MIA3: variants seen among roughly 807,000 people sequenced by gnomAD.
The protein encoded by MIA3 is transport and Golgi organization protein 1 homolog.
MIA3 carries 90 observed loss-of-function variants against 192.4 expected under a neutral mutation model. The ratio of observed to expected loss-of-function variants is 0.47; its 90% CI spans 0.39 to 0.56. The LOEUF (loss-of-function observed/expected upper bound fraction) is 0.56. Among genes scored for constraint, MIA3 ranks in the 20% least tolerant of loss-of-function variants. MIA3 has a pLI of 0.00. For missense variants in MIA3, 2,123 were observed against 2,269.4 expected (o/e 0.94, Z 1.31); for synonymous variants, 740 against 792.8 (o/e 0.93, Z 1.12).
Position 222,629,872 on chromosome 1 carries a change from G to T in MIA3, c.2652G>T (p.Glu884Asp), listed in dbSNP as rs1662312851. Residue 884 changes from glutamate to aspartate, a missense_variant, in exon 4 of 28, where the codon GAG becomes GAT. Glu to Asp is a conservative substitution (Grantham distance 45, BLOSUM62 2). Coordinates refer to ENST00000344922, the MANE Select transcript of MIA3 (RefSeq NM_198551.4). ...CAAAAGAGGACCATGAGAACACAGA[G>T]AAGTACATGGGCACAGAAAGCCAGG... ...ELSKEDHENT[E>D]KYMGTESQGS... 1.9e-6 allele frequency: 3 copies of T among 1,613,900 alleles called. No individual in the cohort carries two copies. Among genetic ancestry groups the T allele is most frequent in the East Asian group, 4.5e-5 (2 of 44,878 alleles).
At chr1:222,632,806 T>G (rs988212437) in intron 5 of MIA3, among the ~76,000 whole-genome samples, 1 of 152,224 alleles carries the variant, frequency 6.6e-6, no homozygotes, top group Admixed American at 6.5e-5. Context: ...GCAGTTCTTT[T>G]TTTTGATTTG....
intron 11 of MIA3, among the ~76,000 whole-genome samples, chr1:222,651,210 AG>A (rs921602293): frequency 1.4e-5 from 2 of 145,900 alleles, no homozygotes; most frequent in Non-Finnish European, 3.1e-5. Flanking sequence ...TGTTTTGCAA[AG>A]TTTTTTTTTT....
intron 15 of MIA3, among the ~76,000 whole-genome samples, chr1:222,653,640 A>G (rs761781709): frequency 4.6e-4 from 70 of 152,214 alleles, no homozygotes; most frequent in Non-Finnish European, 7.1e-4. Context: ...TTGTTTTTCA[A>G]TTTCATGGAG....
At position 222,628,098 on chromosome 1, in the gene MIA3, C is replaced by T. The variant is rs780710327; in HGVS notation, c.878C>T (p.Thr293Ile). Residue 293 changes from threonine (T) to isoleucine (I), a missense_variant, in exon 4 of 28, where the codon ACC becomes ATC. Physicochemically the swap from Thr to Ile is moderately conservative, Grantham distance 89 (BLOSUM62 -1). Transcript: ENST00000344922. ...ADALVSDDET[T>I]RLVTSLEDDF... ...GCACTTGTATCTGATGATGAGACAA[C>T]CAGACTCGTTACTTCATTAGAAGAT... The T allele has an allele frequency of 1.2e-6, 2 of 1,613,978 alleles. No individual in the cohort carries two copies. Among genetic ancestry groups the T allele is most frequent in the South Asian group, 2.2e-5 (2 of 91,080 alleles).
At position 222,644,547 on chromosome 1, in the gene MIA3, G is replaced by A. The variant is rs552748893; in HGVS notation, c.3478-1007G>A. ...GGGACCCGGAACTTGTGGGACCCTT[G>A]TCTGTGCTCTACGCAGCCTTCATAG... On this transcript the variant is annotated intron_variant, in intron 6 of 27. Coordinates refer to ENST00000344922, the MANE Select transcript of MIA3 (RefSeq NM_198551.4). The A allele has an allele frequency of 1.1e-3, 1,695 of 1,550,622 alleles. 2 individuals are homozygous for A. The highest frequency in any genetic ancestry group is 1.3e-3 in the Non-Finnish European group (1,478 of 1,147,004).
intron 6 of MIA3, among the ~76,000 whole-genome samples, chr1:222,643,033 CAA>C (rs1441560048): frequency 3.9e-5 from 6 of 152,220 alleles, no homozygotes; most frequent in East Asian, 3.9e-4. Flanking sequence ...TGGGGTTGGG[CAA>C]GTTTTTTTGG....
At chr1:222,642,558 C>G (rs1215250887) in intron 6 of MIA3, among the ~76,000 whole-genome samples, 1 of 152,038 alleles carries the variant, frequency 6.6e-6, no homozygotes, top group Non-Finnish European at 1.5e-5. Context: ...TCCCCAGTAT[C>G]TTTGAGATAG....
Position 222,654,758 on chromosome 1 carries a change from T to C in MIA3, c.4572T>C (p.Asn1524=), listed in dbSNP as rs747496180. The C allele has an allele frequency of 6.2e-7, 1 of 1,614,160 alleles. No homozygotes were observed. Among genetic ancestry groups the C allele is most frequent in the South Asian group, 1.1e-5 (1 of 91,078 alleles). ...TGAGGCAGAAAGTGGAGATTCTGAA[T>C]GAGCTCTATCAGCAGAAGGAGATGG... is the stretch of plus-strand genomic sequence containing the variant. ...KTLRQKVEIL[N]ELYQQKEMAL... is the part of the protein sequence containing the mutation. Residue 1524 remains asparagine (N), a synonymous_variant, in exon 18 of 28, where the codon AAT becomes AAC. Transcript: ENST00000344922.
intron 27 of MIA3, 80 bp from the exon 28 acceptor site, chr1:222,665,229 A>C: frequency 3.3e-5 from 25 of 766,198 alleles, no homozygotes; most frequent in Non-Finnish European, 4.9e-5. Flanking sequence ...AAAGGATGAC[A>C]GACTATATTA....
chr1:222,630,442 C>A lies in MIA3; in HGVS notation c.3169+53C>A. On this transcript the variant is annotated intron_variant, in intron 4 of 27. Coordinates refer to ENST00000344922, the MANE Select transcript of MIA3 (RefSeq NM_198551.4). ...GGGCTGGAGAAGCAGGTGGGTGGGT[C>A]GCTGAGGTGCCTCCTATCTTGTGAA... 2.0e-6 allele frequency: 3 copies of A among 1,514,178 alleles called. No individual in the cohort carries two copies. In the South Asian group the frequency reaches 4.0e-5, roughly 20 times the overall value. 93.8% of individuals were successfully genotyped at this position (1,514,178 alleles called of 1,614,324 possible). A position where few individuals can be genotyped will look rare whatever the true frequency, so the allele number is the denominator to read the frequency against.
At position 222,645,800 on chromosome 1, in the gene MIA3, A is replaced by G. The variant is rs906381101; in HGVS notation, c.3609+115A>G. The G allele has an allele frequency of 3.4e-6, 3 of 889,028 alleles. No individual in the cohort carries two copies. In the African/African-American group the frequency reaches 5.2e-5, roughly 15 times the overall value. The allele number at this position is 889,028 out of a possible 1,614,324, so 55.1% of individuals were successfully genotyped here. A position where few individuals can be genotyped will look rare whatever the true frequency, so the allele number is the denominator to read the frequency against. On this transcript the variant is annotated intron_variant, in intron 7 of 27. Transcript: ENST00000344922. ...AACAGAAATTAATGCTTTTAATTCA[A>G]GCTAACCTTGTAAAATAATTTAGTA...
At chr1:222,623,010 G>C (rs1661944443) in intron 2 of MIA3, among the ~76,000 whole-genome samples, 1 of 152,200 alleles carries the variant, frequency 6.6e-6, no homozygotes, top group African/African-American at 2.4e-5. Flanking sequence ...TTTGTGTACT[G>C]TCTTAGCTCA....
chr1:222,662,390 A>C, intron 26 of MIA3, 58 bp downstream of exon 26: 2 of 1,587,610 alleles, frequency 1.3e-6, no homozygotes, highest in Middle Eastern at 3.3e-4. Flanking sequence ...TCTTCCTACA[A>C]CTCTCTCTTT....
intron 26 of MIA3, 178 bp downstream of exon 26, chr1:222,662,510 T>C (rs1664069757): frequency 1.4e-6 from 2 of 1,412,946 alleles, no homozygotes; most frequent in South Asian, 2.9e-5. Context: ...ATTACATCTT[T>C]GGCTGAGCGT....
chr1:222,651,947 T>G (rs528454807), intron 11 of MIA3, 30 bp from the exon 12 acceptor site: 4 of 1,217,374 alleles, frequency 3.3e-6, no homozygotes, highest in African/African-American at 1.5e-5. Flanking sequence ...AATCCTAATA[T>G]GCATTTTGTG....
chr1:222,660,361 TC>T, intron 24 of MIA3, 47 bp downstream of exon 24: 1 of 1,564,098 alleles, frequency 6.4e-7, no homozygotes, highest in African/African-American at 1.4e-5. Flanking sequence ...GGTGGCTTTT[TC>T]CCTTTTATTT....
chr1:222,633,016 C>T (rs971147021), intron 5 of MIA3, 88 bp from the exon 6 acceptor site: 3 of 1,324,964 alleles, frequency 2.3e-6, no homozygotes, highest in African/African-American at 2.9e-5. Flanking sequence ...GGCACAGTGC[C>T]TAATATTTAG....
At position 222,629,670 on chromosome 1, in the gene MIA3, C is replaced by A; in HGVS notation, c.2450C>A (p.Ala817Glu). The A allele has an allele frequency of 6.2e-7, 1 of 1,614,116 alleles. No homozygotes were observed. The highest frequency in any genetic ancestry group is 8.5e-7 in the Non-Finnish European group (1 of 1,180,016). Reference sequence around the variant, plus strand: ...ATGGTGGAAAAAGAACGCCCTCTGGCAGATAAGAAAGCACAGAGACCATTT... The same window carrying A: ...ATGGTGGAAAAAGAACGCCCTCTGGAAGATAAGAAAGCACAGAGACCATTT... ...NTMVEKERPL[A>E]DKKAQRPFER... Residue 817 changes from alanine (A) to glutamate (E), a missense_variant, in exon 4 of 28, where the codon GCA (alanine) becomes GAA (glutamate). Physicochemically the swap from Ala to Glu is moderately radical, Grantham distance 107. This residue lies in a region of MIA3 where 1,357 missense variants were observed against 1,396.1 expected (regional missense o/e 0.97). Coordinates refer to ENST00000344922, the MANE Select transcript of MIA3 (RefSeq NM_198551.4).
chr1:222,645,582 A>C lies in MIA3; in HGVS notation c.3506A>C (p.Gln1169Pro). ...SLVATLPDDVQPGPDFYGLPW... is the reference protein window; with the variant it reads ...SLVATLPDDVPPGPDFYGLPW... ...GTTGCTACATTGCCTGATGATGTTC[A>C]GCCTGGGCCTGATTTTTATGGACTG... The change falls in exon 7 of 28, where the codon CAG (glutamine) becomes CCG (proline). Residue 1169 changes from glutamine (Q) to proline (P), a missense_variant. Transcript: ENST00000344922. The C allele has an allele frequency of 6.2e-7, 1 of 1,612,854 alleles. No individual in the cohort carries two copies.
Sources: allele counts gnomAD v4.1 joint callset (sites outside exome capture counted in the v4.1 genomes callset), GRCh38; gene constraint gnomAD v4.1.1; regional missense constraint gnomAD v4.1.1; transcripts MANE v1.5; gene names NCBI Gene and HGNC (gene_info 2026-07-23, HGNC 2026-07-21).